The following SPTLC2 variants were observed in gnomAD, a reference collection of about 807,000 sequenced individuals.
The protein encoded by SPTLC2 is serine palmitoyltransferase long chain base subunit 2.
Under a neutral mutation model 62.0 loss-of-function variants are expected in SPTLC2, and 21 were observed. That is an observed-to-expected ratio of 0.34 (90% CI 0.24 to 0.49). The LOEUF is 0.49. SPTLC2 is among the 20% of genes least tolerant of loss of function. SPTLC2 has a pLI of 0.99. For missense variants in SPTLC2, 511 were observed against 713.0 expected (o/e 0.72, Z 3.23); for synonymous variants, 261 against 261.8 (o/e 1.00, Z 0.03).
At chr14:77,561,582 G>A (rs2079615168) in intron 6 of SPTLC2, among the ~76,000 whole-genome samples, 1 of 150,728 alleles carries the variant, frequency 6.6e-6, no homozygotes, top group African/African-American at 2.5e-5. Flanking sequence ...CTGCACTCCA[G>A]CCTGGGTGAC....
intron 2 of SPTLC2, among the ~76,000 whole-genome samples, chr14:77,582,689 T>C (rs1455570268): frequency 1.3e-5 from 2 of 152,174 alleles, no homozygotes; most frequent in African/African-American, 4.8e-5. Flanking sequence ...GTGCCTGCCA[T>C]GGTCAGGCAT....
At chr14:77,563,493 T>C (rs2140027466) in intron 5 of SPTLC2, among the ~76,000 whole-genome samples, 1 of 152,204 alleles carries the variant, frequency 6.6e-6, no homozygotes, top group Non-Finnish European at 1.5e-5. Flanking sequence ...GGTGCGATCT[T>C]GGTTCACTTG....
chr14:77,579,177 G>T, intron 2 of SPTLC2, 68 bp from the exon 3 acceptor site: 2 of 1,517,566 alleles, frequency 1.3e-6, no homozygotes, highest in Non-Finnish European at 1.8e-6. Context: ...TTTAACAGAT[G>T]ACATGATCTT....
At chr14:77,600,500 T>C (rs971567337) in intron 1 of SPTLC2, among the ~76,000 whole-genome samples, 1 of 152,192 alleles carries the variant, frequency 6.6e-6, no homozygotes, top group Non-Finnish European at 1.5e-5. Flanking sequence ...CAAACAATAA[T>C]GGTATTACTC....
chr14:77,562,422 G>T lies in SPTLC2; in HGVS notation c.824C>A (p.Ala275Glu). ...SLVLGARLSGATIRIFKHNNM... is the reference protein window; with the variant it reads ...SLVLGARLSGETIRIFKHNNM... ...GTTGTGTTTGAAGATTCTAATGGTT[G>T]CTCCTGACAGTCTGGCTCCCAGAAC... is the stretch of plus-strand genomic sequence containing the variant. Residue 275 changes from alanine (A) to glutamate (E), a missense_variant, in exon 6 of 12, where the codon GCA becomes GAA. By Grantham distance (107) the Ala-to-Glu change is moderately radical (BLOSUM62 -1). Transcript: ENST00000216484. 1.2e-6 allele frequency: 2 copies of T among 1,614,158 alleles called. No homozygotes were observed. The highest frequency in any genetic ancestry group is 8.5e-7 in the Non-Finnish European group (1 of 1,180,014).
At chr14:77,609,187 GTCTGTCC>G (rs1382473638) in intron 1 of SPTLC2, among the ~76,000 whole-genome samples, 1 of 152,064 alleles carries the variant, frequency 6.6e-6, no homozygotes, top group Non-Finnish European at 1.5e-5. Flanking sequence ...CTTTTAAGAA[GTCTGTCC>G]TGGGGAAATG....
chr14:77,531,878 A>C (rs978134708), intron 9 of SPTLC2, among the ~76,000 whole-genome samples: 4 of 152,188 alleles, frequency 2.6e-5, no homozygotes, highest in Admixed American at 2.0e-4. Flanking sequence ...TGTATGTCTA[A>C]GATCTGTACA....
intron 1 of SPTLC2, among the ~76,000 whole-genome samples, chr14:77,604,866 C>CAA (rs35580409): frequency 1.7e-3 from 164 of 94,160 alleles, no homozygotes; most frequent in Middle Eastern, 0.01. Flanking sequence ...GACTCTTTCT[C>CAA]AAAAAAAAAA....
At chr14:77,526,139 C>T (rs2079408119) in intron 9 of SPTLC2, among the ~76,000 whole-genome samples, 1 of 152,158 alleles carries the variant, frequency 6.6e-6, no homozygotes, top group African/African-American at 2.4e-5. Flanking sequence ...TTATCCTTTG[C>T]TCTTAAAGTG....
chr14:77,545,558 C>T (rs539740763), intron 9 of SPTLC2, among the ~76,000 whole-genome samples: 189 of 152,294 alleles, frequency 1.2e-3, no homozygotes, highest in South Asian at 3.5e-3. Flanking sequence ...CGTGAGCCAT[C>T]GTGCCCGGCC....
At chr14:77,516,170 G>C (rs571680471) in intron 11 of SPTLC2, among the ~76,000 whole-genome samples, 1 of 152,146 alleles carries the variant, frequency 6.6e-6, no homozygotes, top group South Asian at 2.1e-4. Flanking sequence ...ACAAATCCAT[G>C]GTTTCAAAAA....
intron 2 of SPTLC2, among the ~76,000 whole-genome samples, chr14:77,584,368 G>A (rs1040872613): frequency 5.9e-5 from 9 of 152,178 alleles, no homozygotes; most frequent in Admixed American, 5.9e-4. Flanking sequence ...TGATAAAGAT[G>A]ATGAATAATC....
chr14:77,589,715 G>A lies in SPTLC2; in HGVS notation c.327+7471C>T, dbSNP rs1043223520. Among the ~76,000 whole-genome samples, 14 of 152,020 alleles carry A rather than the reference G, an allele frequency of 9.2e-5. No individual in the cohort carries two copies. The East Asian group carries it at 2.1e-3, about 23-fold the overall frequency. On this transcript the variant is annotated intron_variant, in intron 2 of 11. Coordinates refer to ENST00000216484, the MANE Select transcript of SPTLC2 (RefSeq NM_004863.4). ...TGAGGCAGAAGAATCGCTTAAGCCC[G>A]GGAGGCAGAGGTTGCAGTAAGCCAA...
chr14:77,598,136 AAAAG>A (rs1355040053), intron 1 of SPTLC2, among the ~76,000 whole-genome samples: 2 of 151,880 alleles, frequency 1.3e-5, no homozygotes, highest in Non-Finnish European at 2.9e-5. Context: ...AAAAAAAAAA[AAAAG>A]AATTTTGTAA....
chr14:77,583,234 TA>T (rs1264391569), intron 2 of SPTLC2, among the ~76,000 whole-genome samples: 8 of 148,284 alleles, frequency 5.4e-5, no homozygotes, highest in African/African-American at 2.0e-4. Flanking sequence ...AATAAATAAA[TA>T]AATAAAAATA....
At chr14:77,564,727 AG>A (rs921110961) in intron 5 of SPTLC2, among the ~76,000 whole-genome samples, 6 of 152,148 alleles carry the variant, frequency 3.9e-5, no homozygotes, top group Non-Finnish European at 7.3e-5. Flanking sequence ...ATATATTCAA[AG>A]GACACAGGTA....
chr14:77,586,083 T>TTC (rs950599462), intron 2 of SPTLC2, among the ~76,000 whole-genome samples: 6 of 150,544 alleles, frequency 4.0e-5, no homozygotes, highest in South Asian at 2.1e-4. Flanking sequence ...TTTTTCTTTT[T>TTC]TTTTTTTTTT....
chr14:77,611,863 T>C (rs176901), intron 1 of SPTLC2, among the ~76,000 whole-genome samples: 86,715 of 151,472 alleles, frequency 0.57, 25,124 homozygotes, highest in East Asian at 0.67. Flanking sequence ...TATCTCAATG[T>C]TTTATGATCC....
In SPTLC2 at chr14:77,510,356, A is replaced by T. The variant is rs2079326058; in HGVS notation, c.*1928T>A. Reference sequence around the variant, plus strand: ...CTTCACAAACAATAATATTGCTTACATCCTCTGCTATACGTAATGTGCACA... The same window carrying T: ...CTTCACAAACAATAATATTGCTTACTTCCTCTGCTATACGTAATGTGCACA... On this transcript the variant is annotated 3_prime_UTR_variant, in exon 12 of 12. Transcript: ENST00000216484. The T allele has an allele frequency of 6.2e-6, 1 of 160,852 alleles. No individual in the cohort carries two copies. The highest frequency in any genetic ancestry group is 1.4e-5 in the Non-Finnish European group (1 of 74,058). The allele number at this position is 160,852 out of a possible 1,614,324, so 10.0% of individuals were successfully genotyped here. A position where few individuals can be genotyped will look rare whatever the true frequency, so the allele number is the denominator to read the frequency against.
Sources: gnomAD v4.1 joint callset for allele counts (sites outside exome capture counted in the v4.1 genomes callset) on GRCh38, gnomAD v4.1.1 for gene constraint, MANE v1.5 for transcripts, NCBI Gene and HGNC (gene_info 2026-07-23, HGNC 2026-07-21) for gene names.